CYP19A1: variants seen among roughly 807,000 people sequenced by gnomAD.
The protein encoded by CYP19A1 is aromatase.
Under a neutral mutation model 44.4 loss-of-function variants are expected in CYP19A1, and 32 were observed. The observed-to-expected ratio is 0.72, with a 90% CI of 0.54 to 0.97. The LOEUF (loss-of-function observed/expected upper bound fraction) is 0.97. Among genes scored for constraint, CYP19A1 ranks in the 50% least tolerant of loss-of-function variants. The probability of loss-of-function intolerance (pLI) is 0.00; values close to 1 mark genes in which losing one functional copy is unlikely to be tolerated. For synonymous variants in CYP19A1, 212 were observed against 215.6 expected, an observed-to-expected ratio of 0.98 and a Z score of 0.14; for missense variants, 598 against 637.8, an observed-to-expected ratio of 0.94 and a Z score of 0.67.
chr15:51,329,869 C>T (rs530253080), intron 1 of CYP19A1, among the ~76,000 whole-genome samples: 12 of 152,210 alleles, frequency 7.9e-5, no homozygotes, highest in South Asian at 2.1e-4. Flanking sequence ...AGACAGGGAG[C>T]GACAGGCCAT....
intron 1 of CYP19A1, among the ~76,000 whole-genome samples, chr15:51,298,801 T>C (rs77340752): frequency 0.032 from 4,805 of 152,332 alleles, 104 homozygotes; most frequent in Middle Eastern, 0.061. Flanking sequence ...TAGCTACTGC[T>C]GAGGAGAAGC....
rs756838912 is a variant in CYP19A1, at chr15:51,215,238, C to A, written c.859-6G>T. On this transcript the variant is annotated splice_region_variant and splice_polypyrimidine_tract_variant and intron_variant, in intron 7 of 9. Transcript: ENST00000396402. The stretch of plus-strand genomic sequence containing the variant: ...CTTGTCAGGTCACCACGTTTCTGAA[C>A]AATTGGAAGATGGGAAAAATTTGGA... 8.1e-6 allele frequency: 13 copies of A among 1,613,756 alleles called. No individual in the cohort carries two copies. The highest frequency in any genetic ancestry group is 5.5e-5 in the South Asian group (5 of 91,074).
At chr15:51,328,545 G>A (rs1255689176) in intron 1 of CYP19A1, among the ~76,000 whole-genome samples, 1 of 121,168 alleles carries the variant, frequency 8.3e-6, no homozygotes, top group Non-Finnish European at 1.6e-5. Context: ...TTACAGGGCA[G>A]GGGTGTGTGT....
chr15:51,222,545 G>C lies in CYP19A1; in HGVS notation c.452-20C>G. 6.2e-7 allele frequency: 1 copy of C among 1,608,050 alleles called. No individual in the cohort carries two copies. The highest frequency in any genetic ancestry group is 8.5e-7 in the Non-Finnish European group (1 of 1,175,560). Reference sequence around the variant, plus strand: ...ACAGAGCTGCAGAGTACACATCAGAGAATCAGCCATCACGAACTCCAGGGC... The same window carrying C: ...ACAGAGCTGCAGAGTACACATCAGACAATCAGCCATCACGAACTCCAGGGC... On this transcript the variant is annotated intron_variant, in intron 4 of 9. Transcript: ENST00000396402.
chr15:51,225,899 C>T (rs1055499053), intron 4 of CYP19A1, among the ~76,000 whole-genome samples: 1 of 151,802 alleles, frequency 6.6e-6, no homozygotes, highest in African/African-American at 2.4e-5. Flanking sequence ...ACCATCCTGG[C>T]TAACACGGTG....
intron 1 of CYP19A1, among the ~76,000 whole-genome samples, chr15:51,257,031 A>G (rs1456309375): frequency 6.6e-6 from 1 of 152,162 alleles, no homozygotes; most frequent in Non-Finnish European, 1.5e-5. Context: ...CTCCTTTTGG[A>G]TAATAAATTG....
intron 1 of CYP19A1, among the ~76,000 whole-genome samples, chr15:51,272,410 G>A (rs2035161056): frequency 6.6e-6 from 1 of 152,110 alleles, no homozygotes; most frequent in African/African-American, 2.4e-5. Flanking sequence ...CAGGTACATC[G>A]TTTGAGTGCA....
chr15:51,335,834 G>A (rs1240418504), intron 1 of CYP19A1, among the ~76,000 whole-genome samples: 3 of 152,146 alleles, frequency 2.0e-5, no homozygotes, highest in Admixed American at 1.3e-4. Context: ...TACAAGGAAG[G>A]TCCCACCCAC....
At chr15:51,220,388 G>A (rs569696663) in intron 5 of CYP19A1, among the ~76,000 whole-genome samples, 11 of 152,200 alleles carry the variant, frequency 7.2e-5, no homozygotes, top group Non-Finnish European at 1.2e-4. Context: ...TGGAATGTAA[G>A]CCCCTTGAAG....
chr15:51,222,051 T>G (rs1483693192), intron 5 of CYP19A1: 2 of 562,796 alleles, frequency 3.6e-6, no homozygotes, highest in Admixed American at 6.2e-5. Flanking sequence ...TAGGATATGT[T>G]AATAACCAAA....
At chr15:51,291,913 A>G (rs561874650) in intron 1 of CYP19A1, among the ~76,000 whole-genome samples, 1 of 152,346 alleles carries the variant, frequency 6.6e-6, no homozygotes, top group African/African-American at 2.4e-5. Flanking sequence ...GAAAAAAAGG[A>G]AAGAGAAGCC....
chr15:51,297,916 TAGGGGTATTATAAAG>T (rs2036033924), intron 1 of CYP19A1, among the ~76,000 whole-genome samples: 1 of 148,880 alleles, frequency 6.7e-6, no homozygotes, highest in South Asian at 2.1e-4. Context: ...AGTGTGACTG[TAGGGGTATTATAAAG>T]AGGGGCATTA....
At chr15:51,259,283 C>T (rs2034628648) in intron 1 of CYP19A1, among the ~76,000 whole-genome samples, 1 of 152,136 alleles carries the variant, frequency 6.6e-6, no homozygotes, top group African/African-American at 2.4e-5. Context: ...CCGTTACACA[C>T]AGTGATCAGT....
chr15:51,224,714 T>A (rs2032425385), intron 4 of CYP19A1, among the ~76,000 whole-genome samples: 1 of 152,218 alleles, frequency 6.6e-6, no homozygotes, highest in Admixed American at 6.5e-5. Context: ...AATACAAATA[T>A]GTTTATGTTA....
intron 4 of CYP19A1, among the ~76,000 whole-genome samples, chr15:51,224,068 A>G (rs892077855): frequency 2.0e-5 from 3 of 152,198 alleles, no homozygotes; most frequent in African/African-American, 7.2e-5. Context: ...GTGAAAAGAA[A>G]ATTGGGCAAC....
intron 2 of CYP19A1, among the ~76,000 whole-genome samples, chr15:51,241,239 G>A (rs2033744598): frequency 6.6e-6 from 1 of 152,176 alleles, no homozygotes; most frequent in Admixed American, 6.5e-5. Flanking sequence ...AAGGGTCCAA[G>A]GAAATTCCAC....
rs200277726 is a variant in CYP19A1 at position 51,222,395 on chromosome 15, G to C, written c.582C>G (p.Val194=). 2.5e-6 allele frequency: 4 copies of C among 1,614,106 alleles called. No homozygotes were observed. The highest frequency in any genetic ancestry group is 3.4e-6 in the Non-Finnish European group (4 of 1,180,004). Reference sequence around the variant, plus strand: ...AGAGCGTGTTAGAGGTGTCCAGCATGACACGACGCAGAAGGGTCAACACGT... The same window carrying C: ...AGAGCGTGTTAGAGGTGTCCAGCATCACACGACGCAGAAGGGTCAACACGT... ...YVDVLTLLRR[V]MLDTSNTLFL... The change falls in exon 5 of 10, where the codon GTC becomes GTG. Residue 194 remains valine, a synonymous_variant. Transcript: ENST00000396402.
intron 5 of CYP19A1, 89 bp downstream of exon 5, chr15:51,222,260 G>A (rs1019861577): frequency 6.2e-6 from 10 of 1,604,238 alleles, no homozygotes; most frequent in South Asian, 3.4e-5. Flanking sequence ...GTAGAAAATG[G>A]CATGTGATTC....
At chr15:51,283,668 C>A (rs1443771910) in intron 1 of CYP19A1, among the ~76,000 whole-genome samples, 1 of 152,208 alleles carries the variant, frequency 6.6e-6, no homozygotes, top group Non-Finnish European at 1.5e-5. Context: ...AAGGCAAGAA[C>A]TACTACCGTC....
Sources: allele counts gnomAD v4.1 joint callset (sites outside exome capture counted in the v4.1 genomes callset), GRCh38; gene constraint gnomAD v4.1.1; transcripts MANE v1.5; gene names NCBI Gene and HGNC (gene_info 2026-07-23, HGNC 2026-07-21).